Variants in CCDC74B observed in about 807,000 individuals in gnomAD.
The protein encoded by CCDC74B is coiled-coil domain-containing protein 74B.
A neutral mutation model predicts 38.0 loss-of-function variants in CCDC74B; 34 were observed. The observed-to-expected ratio is 0.89, with a 90% CI of 0.68 to 1.19. The LOEUF (loss-of-function observed/expected upper bound fraction) is 1.19. Ranked by LOEUF, CCDC74B falls within the 50% of genes most tolerant of loss-of-function variation. The pLI is 0.00. For missense variants in CCDC74B, 358 were observed against 406.0 expected, an observed-to-expected ratio of 0.88 and a Z score of 1.02; for synonymous variants, 132 against 170.4, an observed-to-expected ratio of 0.77 and a Z score of 1.76.
Position 130,143,377 on chromosome 2 carries a change from C to G in CCDC74B, c.251-64G>C, listed in dbSNP as rs1685797988. 4 of 1,605,346 alleles carry G rather than the reference C, an allele frequency of 2.5e-6. No homozygotes were observed. In the East Asian group the frequency reaches 8.9e-5, roughly 36 times the overall value. ...CCACAGCCATTCTGAGAGAAGAAGC[C>G]TGGCCTGTCCTCTCCTGGCTGCTGA... On this transcript the variant is annotated intron_variant, in intron 1 of 7. Transcript: ENST00000409943.
Position 130,139,648 on chromosome 2 carries a change from G to A in CCDC74B, c.852C>T (p.Pro284=), listed in dbSNP as rs1262425263. The A allele has an allele frequency of 8.1e-6, 13 of 1,613,244 alleles. No individual in the cohort carries two copies. The highest frequency in any genetic ancestry group is 2.7e-5 in the African/African-American group (2 of 75,070). ...SPPVAERAIL[P]ALKQTPKNNF... ...TGTTCTTCGGGGTCTGCTTCAGTGC[G>A]GGCAGGATGGCACGCTCCGCCACAG... Residue 284 remains proline, a synonymous_variant, in exon 8 of 8, where the codon CCC becomes CCT. Transcript: ENST00000409943.
At chr2:130,144,383 C>T (rs1364143490) in intron 1 of CCDC74B, 6 of 1,056,230 alleles carry the variant, frequency 5.7e-6, no homozygotes, top group Admixed American at 2.0e-5. Flanking sequence ...TCGCGATCCG[C>T]CCGTCTCGGT....
In CCDC74B at chr2:130,140,861, C is replaced by T. The variant is rs1351747871; in HGVS notation, c.485+297G>A. On this transcript the variant is annotated intron_variant, in intron 4 of 7. Transcript: ENST00000409943. ...AAGCCTTCTCTTGGTCAGAATATTA[C>T]TTTACTTTTCTCTGAGGAAGTGGTT... The T allele has an allele frequency of 5.1e-5, 12 of 235,976 alleles. 1 individual carries two copies. The highest frequency in any genetic ancestry group is 1.2e-4 in the Admixed American group (2 of 17,016). The allele number at this position is 235,976 out of a possible 1,614,324, so 14.6% of individuals were successfully genotyped here.
intron 4 of CCDC74B, 81 bp from the exon 5 acceptor site, chr2:130,140,452 G>A (rs1429320983): frequency 6.8e-6 from 10 of 1,460,908 alleles, no homozygotes; most frequent in South Asian, 1.4e-5. Flanking sequence ...CCCAGGCAGC[G>A]CCCAGGCCAA....
Position 130,145,034 on chromosome 2 carries a change from C to A in CCDC74B, c.-38G>T, listed in dbSNP as rs1017906731. 9.3e-6 allele frequency: 13 copies of A among 1,403,814 alleles called. No homozygotes were observed. Among genetic ancestry groups the A allele is most frequent in the Middle Eastern group, 2.7e-4 (1 of 3,768 alleles). The allele number at this position is 1,403,814 out of a possible 1,614,324, so 87.0% of individuals were successfully genotyped here. On this transcript the variant is annotated 5_prime_UTR_variant, in exon 1 of 8. Transcript: ENST00000409943. The stretch of plus-strand genomic sequence containing the variant: ...AGGTACTCTCCCGCTGCCACTGCAC[C>A]CCGGCTCAGTGGCCAGGCCGCCCTA...
intron 2 of CCDC74B, 153 bp downstream of exon 2, chr2:130,143,116 T>A (rs1161785310): frequency 6.6e-7 from 1 of 1,508,992 alleles, no homozygotes; most frequent in African/African-American, 1.4e-5. Context: ...CAGCCACGGC[T>A]AGAGGTAGCG....
At chr2:130,142,250 G>C in intron 2 of CCDC74B, 67 bp from the exon 3 acceptor site, 1 of 1,580,748 alleles carries the variant, frequency 6.3e-7, no homozygotes, top group Non-Finnish European at 8.6e-7. Flanking sequence ...CCTGGCCTGT[G>C]TGTCCGTGAG....
intron 3 of CCDC74B, 40 bp downstream of exon 3, chr2:130,142,093 G>A: frequency 1.2e-6 from 2 of 1,602,272 alleles, no homozygotes; most frequent in Non-Finnish European, 1.7e-6. Flanking sequence ...TCCCCGTGGG[G>A]CACTCACCCC....
chr2:130,139,761 A>T (rs1323567605), intron 7 of CCDC74B, 71 bp from the exon 8 acceptor site: 1 of 1,607,488 alleles, frequency 6.2e-7, no homozygotes, highest in Non-Finnish European at 8.5e-7. Context: ...TGCGGCCTGC[A>T]TGGCCCTCAC....
At chr2:130,142,033 C>G in intron 3 of CCDC74B, 100 bp downstream of exon 3, 1 of 1,494,722 alleles carries the variant, frequency 6.7e-7, no homozygotes. Flanking sequence ...TGGAGCTTGG[C>G]CCAGCAGAGG....
intron 5 of CCDC74B, 41 bp downstream of exon 5, chr2:130,140,138 G>T (rs1204884944): frequency 1.2e-6 from 2 of 1,611,976 alleles, no homozygotes; most frequent in Non-Finnish European, 8.5e-7. Flanking sequence ...CTGTGGCGGT[G>T]CCAGACTGCC....
At position 130,143,344 on chromosome 2, in the gene CCDC74B, T is replaced by G. The variant is rs553162472; in HGVS notation, c.251-31A>C. 14 of 1,613,830 alleles carry G rather than the reference T, an allele frequency of 8.7e-6. No individual in the cohort carries two copies. In the South Asian group the frequency reaches 1.5e-4, roughly 18 times the overall value. ...AGCAAGCACACGCTCTCCTCAGCAC[T>G]TGTGAAACCACAGCCATTCTGAGAG... On this transcript the variant is annotated intron_variant, in intron 1 of 7. Coordinates refer to ENST00000409943, the MANE Select transcript of CCDC74B (RefSeq NM_001258307.2).
rs1336948341 is a variant in CCDC74B, at chr2:130,141,265, G to T, written c.378C>A (p.Asn126Lys). Residue 126 changes from asparagine to lysine, a missense_variant, in exon 4 of 8, where the codon AAC (asparagine) becomes AAA (lysine). Physicochemically the swap from Asn to Lys is moderately conservative, Grantham distance 94. Coordinates refer to ENST00000409943, the MANE Select transcript of CCDC74B (RefSeq NM_001258307.2). ...GGACGTCAGCTTTTGAATCTTGCTT[G>T]TTGAAGGAGCCGGGCTGGGGCCTGG... ...GKARPQPGSF[N>K]KQDSKADVPQ... is the part of the protein sequence containing the mutation. The T allele has an allele frequency of 6.2e-7, 1 of 1,607,058 alleles. No homozygotes were observed. Among genetic ancestry groups the T allele is most frequent in the African/African-American group, 1.3e-5 (1 of 74,842 alleles).
intron 3 of CCDC74B, 80 bp downstream of exon 3, chr2:130,142,053 C>G: frequency 6.3e-7 from 1 of 1,576,844 alleles, no homozygotes; most frequent in African/African-American, 1.3e-5. Flanking sequence ...GGTACCTGGT[C>G]AGCACCCCTA....
chr2:130,140,428 A>G lies in CCDC74B; in HGVS notation c.486-57T>C. On this transcript the variant is annotated intron_variant, in intron 4 of 7. Transcript: ENST00000409943. ...CCTGCCCAGGTGCGTCTAACCACCC[A>G]CCCAGCATACCTCCCCAGGCAGCGC... 9 of 1,496,892 alleles carry G rather than the reference A, an allele frequency of 6.0e-6. No individual in the cohort carries two copies. In the South Asian group the frequency reaches 8.1e-5, roughly 13 times the overall value. 92.7% of individuals were successfully genotyped at this position (1,496,892 alleles called of 1,614,324 possible).
At chr2:130,141,875 T>G in intron 3 of CCDC74B, 1 of 794,136 alleles carries the variant, frequency 1.3e-6, no homozygotes, top group South Asian at 1.9e-5. Context: ...AGGCCCCTCC[T>G]GCCTGCTTGC....
At chr2:130,140,981 G>C in intron 4 of CCDC74B, 177 bp downstream of exon 4, 1 of 1,142,310 alleles carries the variant, frequency 8.8e-7, no homozygotes, top group Non-Finnish European at 1.2e-6. Flanking sequence ...CCCACCGATG[G>C]GTAGAGCGTG....
Position 130,140,385 on chromosome 2 carries a change from T to A in CCDC74B, c.486-14A>T, listed in dbSNP as rs1253081738. The A allele has an allele frequency of 4.5e-6, 7 of 1,552,488 alleles. No individual in the cohort carries two copies. Among genetic ancestry groups the A allele is most frequent in the Non-Finnish European group, 6.1e-6 (7 of 1,150,616 alleles). ...GCTTTCTCCTTTCTGAAACAGTCATTGCAGCAGCCAGAGGTGACCTGCCCA... is the reference window on the plus strand; with the variant it reads ...GCTTTCTCCTTTCTGAAACAGTCATAGCAGCAGCCAGAGGTGACCTGCCCA... On this transcript the variant is annotated splice_polypyrimidine_tract_variant and intron_variant, in intron 4 of 7. Coordinates refer to ENST00000409943, the MANE Select transcript of CCDC74B (RefSeq NM_001258307.2).
At position 130,144,758 on chromosome 2, in the gene CCDC74B, C is replaced by T; in HGVS notation, c.239G>A (p.Arg80Gln). The change falls in exon 1 of 8, where the codon CGG becomes CAG. Residue 80 changes from arginine (R) to glutamine (Q), a missense_variant. This residue lies in a region of CCDC74B where 128 missense variants were observed against 146.7 expected (regional missense o/e 0.87). Coordinates refer to ENST00000409943, the MANE Select transcript of CCDC74B (RefSeq NM_001258307.2). ...KLHEEIEHLK[R>Q]ENKDLRYKLI... Reference sequence around the variant, plus strand: ...CCGCGCCGGCTCACCCTTGTTTTCCCGCTTCAGATGCTCGATCTCCTCATG... The same window carrying T: ...CCGCGCCGGCTCACCCTTGTTTTCCTGCTTCAGATGCTCGATCTCCTCATG... 1 of 1,612,638 alleles carries T rather than the reference C, an allele frequency of 6.2e-7. No individual in the cohort carries two copies. The highest frequency in any genetic ancestry group is 8.5e-7 in the Non-Finnish European group (1 of 1,179,588).
Sources: gnomAD v4.1 joint callset for allele counts on GRCh38, gnomAD v4.1.1 for gene constraint, gnomAD v4.1.1 regional missense constraint, MANE v1.5 for transcripts, NCBI Gene and HGNC (gene_info 2026-07-23, HGNC 2026-07-21) for gene names.